The following QTRT2 variants were observed in gnomAD, a reference collection of about 807,000 sequenced individuals.
QTRT2 encodes the protein queuine tRNA-ribosyltransferase accessory subunit 2.
In QTRT2, 32 loss-of-function variants were observed where a neutral mutation model predicts 44.8. The ratio of observed to expected loss-of-function variants is 0.71; its 90% CI spans 0.54 to 0.96. QTRT2 has a LOEUF of 0.96. QTRT2 is among the 40% of genes least tolerant of loss of function. The pLI is 0.00. For missense variants in QTRT2, 461 were observed against 503.1 expected (o/e 0.92, Z 0.80); for synonymous variants, 182 against 187.4 (o/e 0.97, Z 0.24).
chr3:114,074,733 C>G (rs866142272), intron 6 of QTRT2, among the ~76,000 whole-genome samples: 4 of 152,260 alleles, frequency 2.6e-5, no homozygotes, highest in Middle Eastern at 3.4e-3. Context: ...TCTTGCAAAA[C>G]TTATTTTTTG....
In QTRT2 at chr3:114,085,766, C is replaced by T; in HGVS notation, c.1110C>T (p.Thr370=). The change falls in exon 10 of 10, where the codon ACC becomes ACT. Residue 370 remains threonine (T), a synonymous_variant. Coordinates refer to ENST00000281273, the MANE Select transcript of QTRT2 (RefSeq NM_024638.4). The stretch of plus-strand genomic sequence containing the variant: ...CATACATCCACCATCTGCTGGTGAC[C>T]AATGAGCTGCTGGCCGGAGTCCTGC... ...TRAYIHHLLV[T]NELLAGVLLM... is the part of the protein sequence containing the mutation. 1 of 1,614,152 alleles carries T rather than the reference C, an allele frequency of 6.2e-7. No homozygotes were observed. Among genetic ancestry groups the T allele is most frequent in the Non-Finnish European group, 8.5e-7 (1 of 1,180,008 alleles).
At chr3:114,069,047 C>G (rs1307043896) in intron 5 of QTRT2, among the ~76,000 whole-genome samples, 1 of 144,262 alleles carries the variant, frequency 6.9e-6, no homozygotes, top group Non-Finnish European at 1.5e-5. Flanking sequence ...GAGCGAGACT[C>G]TGTCTCAAAA....
Position 114,085,793 on chromosome 3 carries a change from T to G in QTRT2, c.1137T>G (p.Leu379=). Residue 379 remains leucine (L), a synonymous_variant, in exon 10 of 10, where the codon CTT becomes CTG. Transcript: ENST00000281273. The stretch of plus-strand genomic sequence containing the variant: ...ATGAGCTGCTGGCCGGAGTCCTGCT[T>G]ATGATGCACAACTTTGAACACTACT... ...VTNELLAGVL[L]MMHNFEHYFG... 3 of 1,614,178 alleles carry G rather than the reference T, an allele frequency of 1.9e-6. No individual in the cohort carries two copies. The highest frequency in any genetic ancestry group is 2.5e-6 in the Non-Finnish European group (3 of 1,180,036).
At position 114,082,705 on chromosome 3, in the gene QTRT2, A is replaced by C; in HGVS notation, c.927A>C (p.Glu309Asp). Reference sequence around the variant, plus strand: ...TACAACAAAATGGAACACAAGAAGAAATAAAATGTATGGATCAAATAAAGA... The same window carrying C: ...TACAACAAAATGGAACACAAGAAGACATAAAATGTATGGATCAAATAAAGA... ...TLLQQNGTQE[E>D]IKCMDQIKKI... The change falls in exon 9 of 10, where the codon GAA (glutamate) becomes GAC (aspartate). Residue 309 changes from glutamate (E) to aspartate (D), a missense_variant. Coordinates refer to ENST00000281273, the MANE Select transcript of QTRT2 (RefSeq NM_024638.4). 1 of 1,505,204 alleles carries C rather than the reference A, an allele frequency of 6.6e-7. No individual in the cohort carries two copies. The highest frequency in any genetic ancestry group is 9.1e-7 in the Non-Finnish European group (1 of 1,101,510). The allele number at this position is 1,505,204 out of a possible 1,614,324, so 93.2% of individuals were successfully genotyped here.
At chr3:114,079,519 CAA>C (rs1193353922) in intron 7 of QTRT2, 1 of 167,800 alleles carries the variant, frequency 6.0e-6, no homozygotes, top group East Asian at 1.8e-4. Flanking sequence ...GCCTGGGCAA[CAA>C]GAGTAAGACT....
chr3:114,086,306 T>C lies in QTRT2; in HGVS notation c.*402T>C, dbSNP rs2077236593. On this transcript the variant is annotated 3_prime_UTR_variant, in exon 10 of 10. Coordinates refer to ENST00000281273, the MANE Select transcript of QTRT2 (RefSeq NM_024638.4). Reference sequence around the variant, plus strand: ...GAATGGGCTCTGGACATATGCCTGTTGATTTGAGAAGAAATCTGGCTGGTT... The same window carrying C: ...GAATGGGCTCTGGACATATGCCTGTCGATTTGAGAAGAAATCTGGCTGGTT... 1 of 202,200 alleles carries C rather than the reference T, an allele frequency of 4.9e-6. No homozygotes were observed. The highest frequency in any genetic ancestry group is 1.0e-5 in the Non-Finnish European group (1 of 97,106). 12.5% of individuals were successfully genotyped at this position (202,200 alleles called of 1,614,324 possible). A position where few individuals can be genotyped will look rare whatever the true frequency, so the allele number is the denominator to read the frequency against.
At chr3:114,081,631 T>A (rs2077166887) in intron 8 of QTRT2, among the ~76,000 whole-genome samples, 1 of 152,142 alleles carries the variant, frequency 6.6e-6, no homozygotes. Context: ...AAAGACAGGA[T>A]CTTGCTGTGT....
intron 2 of QTRT2, among the ~76,000 whole-genome samples, chr3:114,058,023 T>C (rs1002790655): frequency 1.3e-5 from 2 of 152,252 alleles, no homozygotes; most frequent in African/African-American, 4.8e-5. Context: ...AAGTCCTTGC[T>C]CTGCCACTTA....
At position 114,060,472 on chromosome 3, in the gene QTRT2, ATAGG is replaced by A. The variant is rs796649795; in HGVS notation, c.-22+3390_-22+3393del. On this transcript the variant is annotated intron_variant, in intron 2 of 9. Coordinates refer to ENST00000281273, the MANE Select transcript of QTRT2 (RefSeq NM_024638.4). ...GCAAATGGTTCCAAACCCCAGATAG[ATAGG>A]TAGGTAGGTAGGTAGGTAGGTAGAT... 9.4e-3 allele frequency among the ~76,000 whole-genome samples: 1,376 copies of A among 146,678 alleles called. 23 individuals carry two copies. The highest frequency in any genetic ancestry group is 0.03 in the African/African-American group (1,183 of 39,200).
At chr3:114,077,758 G>A (rs184431411) in intron 7 of QTRT2, 1 of 145,970 alleles carries the variant, frequency 6.9e-6, no homozygotes, top group African/African-American at 2.5e-5. Context: ...TTGTTGCCCA[G>A]GCTGGAGTTC....
chr3:114,073,800 G>A (rs1194787074), intron 6 of QTRT2, among the ~76,000 whole-genome samples: 4 of 151,928 alleles, frequency 2.6e-5, no homozygotes, highest in African/African-American at 4.8e-5. Context: ...TTATATGATC[G>A]TGCTTCTTAC....
At chr3:114,058,530 C>T (rs922699122) in intron 2 of QTRT2, among the ~76,000 whole-genome samples, 2 of 152,040 alleles carry the variant, frequency 1.3e-5, no homozygotes, top group Admixed American at 6.6e-5. Context: ...AGAATTGTAG[C>T]GTTCTTCATT....
intron 2 of QTRT2, among the ~76,000 whole-genome samples, chr3:114,059,435 T>C (rs1299751410): frequency 6.6e-6 from 1 of 152,250 alleles, no homozygotes; most frequent in Non-Finnish European, 1.5e-5. Flanking sequence ...AGCATGTTTT[T>C]AAAAATATGT....
chr3:114,075,660 T>C (rs11720857), intron 6 of QTRT2, among the ~76,000 whole-genome samples: 33,179 of 151,508 alleles, frequency 0.22, 3,926 homozygotes, highest in African/African-American at 0.31. Context: ...AGGTGCATGC[T>C]GCCACACCCG....
intron 1 of QTRT2, 35 bp from the exon 2 acceptor site, chr3:114,056,964 T>C: frequency 6.7e-7 from 1 of 1,482,150 alleles, no homozygotes; most frequent in Non-Finnish European, 8.9e-7. Flanking sequence ...ACGGTGATTG[T>C]ACTCCCGCCA....
intron 4 of QTRT2, 52 bp downstream of exon 4, chr3:114,066,335 G>T: frequency 9.2e-7 from 1 of 1,085,992 alleles, no homozygotes; most frequent in South Asian, 1.3e-5. Context: ...TTTGGAGTTT[G>T]GAGGTGCTGT....
At chr3:114,085,446 TC>T (rs1188831396) in intron 9 of QTRT2, among the ~76,000 whole-genome samples, 1 of 152,192 alleles carries the variant, frequency 6.6e-6, no homozygotes, top group Non-Finnish European at 1.5e-5. Flanking sequence ...GACCTCGTGA[TC>T]CGCCTGCCCC....
At chr3:114,065,989 T>C (rs1053148613) in intron 3 of QTRT2, among the ~76,000 whole-genome samples, 2 of 152,260 alleles carry the variant, frequency 1.3e-5, no homozygotes, top group African/African-American at 4.8e-5. Context: ...AATTCAAGTA[T>C]TCTGAAGGAG....
chr3:114,065,498 G>A (rs1319358003), intron 3 of QTRT2, 41 bp downstream of exon 3: 1 of 1,491,502 alleles, frequency 6.7e-7, no homozygotes, highest in Non-Finnish European at 9.3e-7. Context: ...AACTGTGGCA[G>A]CAGCTTAGTT....
Sources: allele counts gnomAD v4.1 joint callset (sites outside exome capture counted in the v4.1 genomes callset), GRCh38; gene constraint gnomAD v4.1.1; transcripts MANE v1.5; gene names NCBI Gene and HGNC (gene_info 2026-07-23, HGNC 2026-07-21).